KAZN: variants seen among roughly 807,000 people sequenced by gnomAD.
KAZN encodes the protein kazrin, periplakin interacting protein.
A neutral mutation model predicts 87.4 loss-of-function variants in KAZN; 40 were observed. The observed-to-expected ratio is 0.46, with a 90% CI of 0.36 to 0.60. KAZN has a LOEUF of 0.60. Among genes scored for constraint, KAZN ranks in the 20% least tolerant of loss-of-function variants. KAZN has a pLI of 0.00. For synonymous variants in KAZN, 466 were observed against 458.3 expected (o/e 1.02, Z -0.22); for missense variants, 898 against 1,073.9 (o/e 0.84, Z 2.29).
chr1:14,310,900 C>T (rs1324611595), intron 2 of KAZN, among the ~76,000 whole-genome samples: 3 of 152,180 alleles, frequency 2.0e-5, no homozygotes, highest in Non-Finnish European at 4.4e-5. Flanking sequence ...TTTGAGAAGT[C>T]CAGCACCAAA....
At chr1:14,441,262 C>CATAT (rs34569698) in intron 2 of KAZN, among the ~76,000 whole-genome samples, 78 of 149,458 alleles carry the variant, frequency 5.2e-4, no homozygotes, top group East Asian at 2.0e-3. Flanking sequence ...TGAGAATACT[C>CATAT]ATATATATAT....
intron 1 of KAZN, among the ~76,000 whole-genome samples, chr1:14,155,324 T>C (rs1050494849): frequency 2.6e-5 from 4 of 152,186 alleles, no homozygotes; most frequent in Non-Finnish European, 4.4e-5. Flanking sequence ...TGGCATATAG[T>C]TGCTGAAAGT....
At chr1:14,533,310 G>T (rs539473753) in intron 2 of KAZN, among the ~76,000 whole-genome samples, 32 of 152,208 alleles carry the variant, frequency 2.1e-4, no homozygotes, top group African/African-American at 6.7e-4. Context: ...CATTGAAAAG[G>T]CTCCATGTCT....
intron 2 of KAZN, among the ~76,000 whole-genome samples, chr1:14,456,804 G>T (rs185590935): frequency 0.01 from 1,592 of 152,290 alleles, 16 homozygotes; most frequent in Non-Finnish European, 0.015. Context: ...ATGCAGCCGG[G>T]TGTGGTGGCT....
intron 1 of KAZN, among the ~76,000 whole-genome samples, chr1:14,611,556 G>A (rs1373463386): frequency 2.7e-5 from 4 of 149,900 alleles, no homozygotes; most frequent in South Asian, 2.1e-4. Flanking sequence ...CCTTGTTGGC[G>A]CACACTTGTG....
At chr1:15,052,465 C>T (rs981965863) in intron 4 of KAZN, among the ~76,000 whole-genome samples, 15 of 152,022 alleles carry the variant, frequency 9.9e-5, no homozygotes, top group Non-Finnish European at 2.9e-5. Context: ...TCCCATGACA[C>T]GTGGGGATTA....
chr1:14,934,229 G>A (rs1660184705), intron 1 of KAZN, among the ~76,000 whole-genome samples: 1 of 148,682 alleles, frequency 6.7e-6, no homozygotes, highest in Non-Finnish European at 1.5e-5. Flanking sequence ...TTTTCTTTGA[G>A]ATGGAGTCTC....
intron 2 of KAZN, among the ~76,000 whole-genome samples, chr1:14,569,544 G>C (rs1000846944): frequency 6.6e-6 from 1 of 151,202 alleles, no homozygotes; most frequent in East Asian, 2.0e-4. Context: ...GGATGGTCTC[G>C]ATCTCCTGAC....
At chr1:14,733,496 C>T (rs764828029) in intron 1 of KAZN, among the ~76,000 whole-genome samples, 1 of 152,140 alleles carries the variant, frequency 6.6e-6, no homozygotes, top group Non-Finnish European at 1.5e-5. Flanking sequence ...AGCCTCGTGC[C>T]GTAGGGTGGG....
intron 1 of KAZN, among the ~76,000 whole-genome samples, chr1:14,016,675 G>A (rs900787779): frequency 1.2e-4 from 18 of 152,026 alleles, no homozygotes; most frequent in African/African-American, 4.1e-4. Context: ...GATTTTTATT[G>A]TGGTTTTGCT....
intron 1 of KAZN, among the ~76,000 whole-genome samples, chr1:14,956,012 GTTGT>G (rs1442542763): frequency 1.3e-5 from 2 of 152,314 alleles, no homozygotes; most frequent in South Asian, 4.1e-4. Flanking sequence ...AAAATGATTT[GTTGT>G]TTATCTGAAA....
chr1:14,902,821 G>A (rs1180692610), intron 1 of KAZN, among the ~76,000 whole-genome samples: 1 of 151,568 alleles, frequency 6.6e-6, no homozygotes, highest in Non-Finnish European at 1.5e-5. Context: ...TGAGGCAATT[G>A]TCCTTGTAGA....
At chr1:14,181,427 T>C (rs940721033) in intron 2 of KAZN, among the ~76,000 whole-genome samples, 2 of 152,234 alleles carry the variant, frequency 1.3e-5, no homozygotes, top group Non-Finnish European at 2.9e-5. Flanking sequence ...AGCAGAGATT[T>C]TGAACTGTGG....
At chr1:14,375,744 C>T (rs564992181) in intron 2 of KAZN, among the ~76,000 whole-genome samples, 49 of 152,058 alleles carry the variant, frequency 3.2e-4, no homozygotes, top group African/African-American at 1.0e-3. Context: ...AAAAATTAGC[C>T]GGGTGTGGTG....
At chr1:14,330,384 C>T (rs1309944282) in intron 2 of KAZN, among the ~76,000 whole-genome samples, 1 of 152,168 alleles carries the variant, frequency 6.6e-6, no homozygotes, top group African/African-American at 2.4e-5. Context: ...GAGGCTCCCA[C>T]AATTCCATCT....
intron 1 of KAZN, among the ~76,000 whole-genome samples, chr1:14,002,657 C>A (rs181723423): frequency 2.4e-3 from 366 of 152,236 alleles, no homozygotes; most frequent in Middle Eastern, 0.01. Context: ...CAATGAGATA[C>A]CATCTCATGC....
chr1:15,102,085 G>A (rs1172676607), intron 11 of KAZN, among the ~76,000 whole-genome samples: 2 of 152,160 alleles, frequency 1.3e-5, no homozygotes, highest in East Asian at 3.8e-4. Flanking sequence ...GGAGAGCTAA[G>A]TGCTTACCAG....
intron 2 of KAZN, among the ~76,000 whole-genome samples, chr1:14,427,410 T>A (rs1412469497): frequency 6.6e-6 from 1 of 152,206 alleles, no homozygotes; most frequent in Non-Finnish European, 1.5e-5. Context: ...TTGCCTAATA[T>A]GGAGTAGACA....
At chr1:14,723,226 A>G (rs1239231085) in intron 1 of KAZN, among the ~76,000 whole-genome samples, 1 of 152,134 alleles carries the variant, frequency 6.6e-6, no homozygotes, top group Non-Finnish European at 1.5e-5. Flanking sequence ...GACCTATTGC[A>G]AAGAGATCCT....
Sources: allele counts gnomAD v4.1 joint callset (sites outside exome capture counted in the v4.1 genomes callset), GRCh38; gene constraint gnomAD v4.1.1; transcripts MANE v1.5; gene names NCBI Gene and HGNC (gene_info 2026-07-23, HGNC 2026-07-21).